Variants in STK4 observed in about 807,000 individuals in gnomAD.
STK4 encodes serine/threonine kinase 4.
A neutral mutation model predicts 64.9 loss-of-function variants in STK4; 30 were observed. That is an observed-to-expected ratio of 0.46 (90% CI 0.35 to 0.63). The LOEUF (loss-of-function observed/expected upper bound fraction) is 0.63. STK4 is among the 20% of genes least tolerant of loss of function. STK4 has a pLI of 0.01. For missense variants in STK4, 466 were observed against 598.5 expected (o/e 0.78, Z 2.31); for synonymous variants, 177 against 199.0 (o/e 0.89, Z 0.93).
intron 7 of STK4, 52 bp downstream of exon 7, chr20:44,997,358 C>CA (rs748936819): frequency 5.2e-6 from 8 of 1,537,390 alleles, no homozygotes; most frequent in Non-Finnish European, 7.0e-6. Flanking sequence ...ACTTGCTGAC[C>CA]AAAAGATGCC....
chr20:44,990,350 T>TA (rs1251257873), intron 5 of STK4, among the ~76,000 whole-genome samples: 1 of 152,216 alleles, frequency 6.6e-6, no homozygotes, highest in African/African-American at 2.4e-5. Flanking sequence ...TAGTGTAACA[T>TA]ACAATTGATT....
Position 44,997,313 on chromosome 20 carries a change from A to G in STK4, c.831+7A>G, listed in dbSNP as rs1275965979. On this transcript the variant is annotated splice_region_variant and intron_variant, in intron 7 of 10. Transcript: ENST00000372806. ...AGCCACTCAGCTCCTGCAGGTATGA[A>G]TCACCCTGTGATGCCATCTCGCTCC... is the stretch of plus-strand genomic sequence containing the variant. The G allele has an allele frequency of 6.3e-7, 1 of 1,588,154 alleles. No homozygotes were observed. The highest frequency in any genetic ancestry group is 8.5e-7 in the Non-Finnish European group (1 of 1,170,366).
Position 44,966,737 on chromosome 20 carries a change from G to A in STK4, c.35+134G>A, listed in dbSNP as rs1021587666. The A allele has an allele frequency of 1.6e-5, 17 of 1,054,800 alleles. No homozygotes were observed. In the East Asian group the frequency reaches 1.6e-4, roughly 10 times the overall value. 65.3% of individuals were successfully genotyped at this position (1,054,800 alleles called of 1,614,324 possible). A position where few individuals can be genotyped will look rare whatever the true frequency, so the allele number is the denominator to read the frequency against. The stretch of plus-strand genomic sequence containing the variant: ...CCGATGGGGCACCTGCTGAGTGAGG[G>A]GGGGGACGTCTGGTGGGTGAGGGTC... On this transcript the variant is annotated intron_variant, in intron 1 of 10. Transcript: ENST00000372806.
At chr20:45,027,430 CAA>C (rs35208496) in intron 10 of STK4, among the ~76,000 whole-genome samples, 503 of 79,388 alleles carry the variant, frequency 6.3e-3, no homozygotes, top group African/African-American at 0.021. Context: ...AACTCCGTCT[CAA>C]AAAAAAAAAA....
At chr20:44,981,967 C>A in intron 4 of STK4, 24 bp downstream of exon 4, 2 of 1,494,054 alleles carry the variant, frequency 1.3e-6, no homozygotes, top group Non-Finnish European at 1.9e-6. Context: ...CTAGAACATG[C>A]AACTGAGCTA....
chr20:45,032,761 A>G (rs2145402963), intron 10 of STK4, among the ~76,000 whole-genome samples: 1 of 152,242 alleles, frequency 6.6e-6, no homozygotes, highest in Non-Finnish European at 1.5e-5. Context: ...ATGGTAGAAC[A>G]ATTTCTGTGC....
chr20:44,988,057 A>G (rs1730491494), intron 5 of STK4, among the ~76,000 whole-genome samples: 1 of 151,690 alleles, frequency 6.6e-6, no homozygotes, highest in East Asian at 1.9e-4. Context: ...AATTGCTTTG[A>G]TGTTTAAAAT....
chr20:44,988,686 A>T (rs557552541), intron 5 of STK4, among the ~76,000 whole-genome samples: 1 of 151,408 alleles, frequency 6.6e-6, no homozygotes, highest in African/African-American at 2.4e-5. Flanking sequence ...AATATGTACA[A>T]TTCAGTGTTT....
chr20:45,020,631 C>T (rs1003848833), intron 9 of STK4, among the ~76,000 whole-genome samples: 2 of 152,024 alleles, frequency 1.3e-5, no homozygotes, highest in Non-Finnish European at 2.9e-5. Context: ...TTAGGTTGGA[C>T]TCAGGTAGGC....
intron 10 of STK4, among the ~76,000 whole-genome samples, chr20:45,025,749 A>G (rs766247220): frequency 6.6e-6 from 1 of 152,204 alleles, no homozygotes; most frequent in Non-Finnish European, 1.5e-5. Flanking sequence ...GACTATTACT[A>G]GAAAAGATTT....
intron 3 of STK4, 36 bp from the exon 4 acceptor site, chr20:44,981,793 C>T: frequency 7.9e-7 from 1 of 1,267,888 alleles, no homozygotes; most frequent in Non-Finnish European, 1.2e-6. Context: ...TATTTGAAGG[C>T]CATTTTATTA....
At chr20:45,003,267 G>T (rs1246151424) in intron 9 of STK4, among the ~76,000 whole-genome samples, 8 of 152,172 alleles carry the variant, frequency 5.3e-5, no homozygotes, top group Admixed American at 5.2e-4. Context: ...CTCCCAAAGT[G>T]CTGGAATTAG....
At position 44,997,209 on chromosome 20, in the gene STK4, G is replaced by T; in HGVS notation, c.734G>T (p.Arg245Leu). ...CCTACAAATCCTCCTCCCACATTCCGAAAACCAGAGCTATGGTCAGATAAC... is the reference window on the plus strand; with the variant it reads ...CCTACAAATCCTCCTCCCACATTCCTAAAACCAGAGCTATGGTCAGATAAC... ...MIPTNPPPTF[R>L]KPELWSDNFT... The change falls in exon 7 of 11, where the codon CGA becomes CTA. Residue 245 changes from arginine to leucine, a missense_variant. By Grantham distance (102) the Arg-to-Leu change is moderately radical. Around this residue, in one of 2 missense-constraint regions of STK4, gnomAD observed 276 missense variants for 308.9 expected, o/e 0.89. Transcript: ENST00000372806. The T allele has an allele frequency of 6.2e-7, 1 of 1,613,904 alleles. No individual in the cohort carries two copies. The highest frequency in any genetic ancestry group is 1.1e-5 in the South Asian group (1 of 91,044).
At chr20:45,012,970 T>A (rs1403955351) in intron 9 of STK4, among the ~76,000 whole-genome samples, 2 of 141,948 alleles carry the variant, frequency 1.4e-5, no homozygotes, top group African/African-American at 2.6e-5. Flanking sequence ...TTTTTTTTTT[T>A]TTTTTTTTTA....
At chr20:45,015,211 A>G (rs1311116060) in intron 9 of STK4, among the ~76,000 whole-genome samples, 2 of 152,150 alleles carry the variant, frequency 1.3e-5, no homozygotes, top group Non-Finnish European at 2.9e-5. Flanking sequence ...TGTCAAAATG[A>G]TTTTACTTCA....
intron 9 of STK4, among the ~76,000 whole-genome samples, chr20:45,003,141 G>A (rs1309073241): frequency 1.3e-5 from 2 of 152,076 alleles, no homozygotes; most frequent in African/African-American, 4.8e-5. Context: ...CCAAGTAGCT[G>A]GGAGTATGTA....
intron 10 of STK4, among the ~76,000 whole-genome samples, chr20:45,037,471 A>G (rs756745840): frequency 3.9e-5 from 6 of 152,194 alleles, no homozygotes; most frequent in Non-Finnish European, 8.8e-5. Flanking sequence ...GCTAATATCC[A>G]TCTGACGTTG....
intron 5 of STK4, among the ~76,000 whole-genome samples, chr20:44,987,966 G>A (rs937515954): frequency 2.0e-5 from 3 of 150,960 alleles, no homozygotes; most frequent in Middle Eastern, 3.2e-3. Flanking sequence ...TGTTATGTAC[G>A]GTTTTTTTTT....
intron 1 of STK4, among the ~76,000 whole-genome samples, chr20:44,969,873 T>A (rs2067213846): frequency 6.6e-6 from 1 of 152,186 alleles, no homozygotes; most frequent in Non-Finnish European, 1.5e-5. Flanking sequence ...TTTATAGAAA[T>A]GTTGATAATT....
Sources: gnomAD v4.1 joint callset for allele counts (sites outside exome capture counted in the v4.1 genomes callset) on GRCh38, gnomAD v4.1.1 for gene constraint, gnomAD v4.1.1 regional missense constraint, MANE v1.5 for transcripts, NCBI Gene and HGNC (gene_info 2026-07-23, HGNC 2026-07-21) for gene names.